EIF3H: variants seen among roughly 807,000 people sequenced by gnomAD.
EIF3H encodes eIF-3-gamma.
A neutral mutation model predicts 44.2 loss-of-function variants in EIF3H; 26 were observed. That is an observed-to-expected ratio of 0.59 (90% confidence interval 0.43 to 0.82). The LOEUF is 0.82. Ranked by LOEUF, EIF3H falls within the 40% of genes least tolerant of loss-of-function variation. The pLI, the probability that EIF3H is intolerant of heterozygous loss-of-function variation, is 0.00. For synonymous variants in EIF3H, 166 were observed against 151.9 expected, an observed-to-expected ratio of 1.09 and a Z score of -0.68; for missense variants, 359 against 432.8, an observed-to-expected ratio of 0.83 and a Z score of 1.51.
intron 1 of EIF3H, among the ~76,000 whole-genome samples, chr8:116,732,654 CTCAT>C (rs67330220): frequency 0.036 from 5,506 of 151,378 alleles, 320 homozygotes; most frequent in African/African-American, 0.13. Flanking sequence ...CTTTCATTCC[CTCAT>C]TCATTCATTC....
intron 2 of EIF3H, among the ~76,000 whole-genome samples, chr8:116,709,556 A>C (rs1366890790): frequency 1.3e-5 from 2 of 152,242 alleles, no homozygotes; most frequent in Admixed American, 6.5e-5. Context: ...ATCCACTGAC[A>C]AAGGTATACA....
rs1814751144 is a variant in EIF3H at position 116,721,790 on chromosome 8, T to C, written c.289+4226A>G. On this transcript the variant is annotated intron_variant, in intron 2 of 7. Coordinates refer to ENST00000521861, the MANE Select transcript of EIF3H (RefSeq NM_003756.3). ...AGACTTGCCTGGGGCCTTCAGCCCC[T>C]TCATTTTGGCTCATTCTCCCATTTG... is the stretch of plus-strand genomic sequence containing the variant. 2.6e-5 allele frequency among the ~76,000 whole-genome samples: 4 copies of C among 152,268 alleles called. No homozygotes were observed. In the South Asian group the frequency reaches 8.3e-4, roughly 31 times the overall value.
At chr8:116,681,923 TAGATA>T (rs1380688927) in intron 2 of EIF3H, among the ~76,000 whole-genome samples, 1 of 152,128 alleles carries the variant, frequency 6.6e-6, no homozygotes, top group East Asian at 1.9e-4. Flanking sequence ...TTTAAAGATA[TAGATA>T]AGATAGGGAG....
chr8:116,719,268 C>T (rs1291661260), intron 2 of EIF3H, among the ~76,000 whole-genome samples: 1 of 152,154 alleles, frequency 6.6e-6, no homozygotes, highest in South Asian at 2.1e-4. Context: ...AAGACAGTTA[C>T]TAACTTTGCA....
At chr8:116,719,349 T>C (rs1399322733) in intron 2 of EIF3H, among the ~76,000 whole-genome samples, 1 of 152,180 alleles carries the variant, frequency 6.6e-6, no homozygotes, top group Admixed American at 6.5e-5. Context: ...ACCAACTTCT[T>C]AGAGAAACTA....
At chr8:116,715,351 C>A (rs1289694216) in intron 2 of EIF3H, among the ~76,000 whole-genome samples, 11 of 149,608 alleles carry the variant, frequency 7.4e-5, no homozygotes, top group Admixed American at 7.3e-4. Flanking sequence ...GAAAAAAAAA[C>A]AGATAAAAGC....
intron 1 of EIF3H, among the ~76,000 whole-genome samples, chr8:116,755,084 C>G (rs1229438662): frequency 6.6e-6 from 1 of 152,178 alleles, no homozygotes; most frequent in Non-Finnish European, 1.5e-5. Flanking sequence ...CCTTGGATGT[C>G]CTAGTTCATG....
At chr8:116,686,614 A>G (rs1814081724) in intron 2 of EIF3H, among the ~76,000 whole-genome samples, 2 of 151,658 alleles carry the variant, frequency 1.3e-5, no homozygotes, top group Admixed American at 1.3e-4. Flanking sequence ...TGAGCAGTTC[A>G]GAGTATGTTT....
chr8:116,757,593 A>G (rs1455629408), upstream of EIF3H, among the ~76,000 whole-genome samples: 2 of 152,224 alleles, frequency 1.3e-5, no homozygotes, highest in East Asian at 3.8e-4. Context: ...ATAAATCAAT[A>G]TATTATTTAA....
At chr8:116,678,634 T>C (rs1813896411) in intron 2 of EIF3H, among the ~76,000 whole-genome samples, 1 of 145,622 alleles carries the variant, frequency 6.9e-6, no homozygotes, top group Non-Finnish European at 1.5e-5. Flanking sequence ...GGGGAGCACC[T>C]CTGCCCCGCC....
intron 2 of EIF3H, among the ~76,000 whole-genome samples, chr8:116,702,235 T>C (rs1421921739): frequency 6.6e-6 from 1 of 152,194 alleles, no homozygotes; most frequent in Non-Finnish European, 1.5e-5. Flanking sequence ...TTTTGGTTTG[T>C]GTAGTTAACA....
At chr8:116,731,680 T>C (rs964506050) in intron 1 of EIF3H, among the ~76,000 whole-genome samples, 2 of 152,178 alleles carry the variant, frequency 1.3e-5, no homozygotes, top group African/African-American at 2.4e-5. Context: ...GGGAAGGTAA[T>C]ACCAGCAACC....
intron 2 of EIF3H, among the ~76,000 whole-genome samples, chr8:116,695,612 G>A (rs536627520): frequency 6.6e-6 from 1 of 152,106 alleles, no homozygotes; most frequent in African/African-American, 2.4e-5. Flanking sequence ...GTAAAGTGAG[G>A]AAGGTATTGG....
At chr8:116,743,792 ATATATAAACACACACACACAC>A (rs1815175740) in intron 1 of EIF3H, among the ~76,000 whole-genome samples, 5 of 89,472 alleles carry the variant, frequency 5.6e-5, no homozygotes, top group African/African-American at 2.2e-4. Context: ...ATATATATAT[ATATATAAACACACACACACAC>A]ACACACACAC....
At chr8:116,690,404 A>G (rs73701457) in intron 2 of EIF3H, among the ~76,000 whole-genome samples, 4,321 of 152,178 alleles carry the variant, frequency 0.028, 199 homozygotes, top group African/African-American at 0.099. Flanking sequence ...ATAAAGTTTG[A>G]AAAGAATGGG....
chr8:116,697,128 T>A (rs569982104), intron 2 of EIF3H: 44 of 456,318 alleles, frequency 9.6e-5, no homozygotes, highest in Middle Eastern at 3.3e-4. Flanking sequence ...ACTCTCTTAG[T>A]GTCCAACCAA....
intron 3 of EIF3H, 55 bp downstream of exon 3, chr8:116,658,757 GC>G: frequency 6.4e-7 from 1 of 1,561,196 alleles, no homozygotes. Flanking sequence ...AGGACAGAAA[GC>G]AAAAATAGTA....
intron 1 of EIF3H, among the ~76,000 whole-genome samples, chr8:116,743,806 AC>A (rs1563659988): frequency 0.031 from 530 of 17,042 alleles, 2 homozygotes; most frequent in Middle Eastern, 0.088. Flanking sequence ...ATAAACACAC[AC>A]ACACACACAC....
intron 1 of EIF3H, among the ~76,000 whole-genome samples, chr8:116,762,044 G>C (rs1441140010): frequency 6.6e-6 from 1 of 152,090 alleles, no homozygotes; most frequent in Non-Finnish European, 1.5e-5. Context: ...AGAAAGATTT[G>C]GTTTATTTAA....
Sources: allele counts gnomAD v4.1 joint callset (sites outside exome capture counted in the v4.1 genomes callset), GRCh38; gene constraint gnomAD v4.1.1; transcripts MANE v1.5; gene names NCBI Gene and HGNC (gene_info 2026-07-23, HGNC 2026-07-21).